COL4A6: variants seen among roughly 807,000 people sequenced by gnomAD.
COL4A6 encodes collagen alpha-6(IV) chain.
In COL4A6, 59 loss-of-function variants were observed where a neutral mutation model predicts 126.7. The ratio of observed to expected loss-of-function variants is 0.47; its 90% CI spans 0.38 to 0.58. The LOEUF (loss-of-function observed/expected upper bound fraction) is 0.58. Ranked by LOEUF, COL4A6 falls within the 20% of genes least tolerant of loss-of-function variation. The pLI is 0.00. For missense variants in COL4A6, 1,285 were observed against 1,337.3 expected (o/e 0.96, Z 0.61); for synonymous variants, 547 against 496.6 (o/e 1.10, Z -1.35).
At chrX:108,310,288 T>C (rs1427164475) in intron 3 of COL4A6, among the ~76,000 whole-genome samples, 3 of 111,960 alleles carry the variant, frequency 2.7e-5, no homozygotes, top group Non-Finnish European at 5.6e-5. Context: ...TCACCTATAT[T>C]TCTGGACTTT....
chrX:108,273,791 G>A (rs781698868), intron 3 of COL4A6, among the ~76,000 whole-genome samples: 3 of 112,133 alleles, frequency 2.7e-5, no homozygotes, highest in East Asian at 5.6e-4. Context: ...GTTTTCTCAC[G>A]TGTCCCACAT....
At chrX:108,413,822 T>TTAC (rs1218912935) in intron 2 of COL4A6, among the ~76,000 whole-genome samples, 1 of 111,937 alleles carries the variant, frequency 8.9e-6, no homozygotes, top group Non-Finnish European at 1.9e-5. Context: ...TAAACATCTA[T>TTAC]TACTACTGGT....
intron 2 of COL4A6, among the ~76,000 whole-genome samples, chrX:108,379,038 C>T (rs2040505459): frequency 8.9e-6 from 1 of 112,132 alleles, no homozygotes; most frequent in Admixed American, 9.4e-5. Flanking sequence ...ACACAGTCAC[C>T]TATTTCCTCC....
At chrX:108,423,383 T>G (rs895984804) in intron 2 of COL4A6, among the ~76,000 whole-genome samples, 2 of 111,728 alleles carry the variant, frequency 1.8e-5, no homozygotes, top group Admixed American at 9.5e-5. Context: ...GTGCCAAGAG[T>G]AATGCTAAGA....
intron 20 of COL4A6, among the ~76,000 whole-genome samples, chrX:108,188,890 A>G (rs971097943): frequency 8.9e-6 from 1 of 112,012 alleles, no homozygotes; most frequent in African/African-American, 3.2e-5. Flanking sequence ...CTCAGCCATC[A>G]GTGAGTCTAA....
In COL4A6 at chrX:108,159,591, G is replaced by A. The variant is rs768930684; in HGVS notation, c.4683C>T (p.Pro1561=). The A allele has an allele frequency of 6.6e-6, 8 of 1,211,157 alleles. 1 individual carries two copies. In the South Asian group the frequency reaches 1.2e-4, roughly 19 times the overall value. ...PMMPVSQTQI[P]QYISRCSVCE... ...ACACAGAGCAGCGGCTGATGTACTG[G>A]GGAATCTGGGTCTGGCTGACGGGCA... The change falls in exon 44 of 45, where the codon CCC becomes CCT. Residue 1561 remains proline (P), a synonymous_variant. Transcript: ENST00000334504.
At chrX:108,251,571 G>C (rs56383783) in intron 3 of COL4A6, among the ~76,000 whole-genome samples, 9,521 of 111,451 alleles carry the variant, frequency 0.085, 896 homozygotes, top group African/African-American at 0.28. Flanking sequence ...TTGCTCATCT[G>C]TTCAACAAAT....
intron 13 of COL4A6, among the ~76,000 whole-genome samples, chrX:108,197,772 AGTGT>A (rs57928875): frequency 0.042 from 3,700 of 87,202 alleles, 197 homozygotes; most frequent in African/African-American, 0.14. Flanking sequence ...TATTGGGAGG[AGTGT>A]GTGTGTGTGT....
chrX:108,175,061 T>A, intron 30 of COL4A6, 29 bp downstream of exon 30: 1 of 1,151,454 alleles, frequency 8.7e-7, no homozygotes, highest in South Asian at 2.1e-5. Flanking sequence ...CTCTTGAGCA[T>A]TTCTCCTATC....
chrX:108,377,685 T>A (rs2040470866), intron 2 of COL4A6, among the ~76,000 whole-genome samples: 1 of 107,978 alleles, frequency 9.3e-6, no homozygotes, highest in African/African-American at 3.4e-5. Context: ...AATCCCAGCA[T>A]TTGGGAGGCC....
intron 3 of COL4A6, among the ~76,000 whole-genome samples, chrX:108,280,031 G>A (rs755737571): frequency 3.6e-5 from 4 of 110,945 alleles, no homozygotes; most frequent in South Asian, 7.9e-4. Flanking sequence ...AATGCCCACA[G>A]GAGAAAGCAG....
At chrX:108,391,773 G>T (rs750930620) in intron 2 of COL4A6, among the ~76,000 whole-genome samples, 6 of 112,212 alleles carry the variant, frequency 5.3e-5, no homozygotes, top group Non-Finnish European at 9.4e-5. Context: ...GAAATCCCCC[G>T]ACCCCTTGTG....
intron 2 of COL4A6, among the ~76,000 whole-genome samples, chrX:108,389,033 G>A (rs2040770302): frequency 8.9e-6 from 1 of 111,825 alleles, no homozygotes; most frequent in African/African-American, 3.3e-5. Flanking sequence ...TTTTGAGTGG[G>A]TTTCTTAATC....
chrX:108,409,612 T>C (rs773087377), intron 2 of COL4A6, among the ~76,000 whole-genome samples: 1 of 111,858 alleles, frequency 8.9e-6, no homozygotes, highest in Admixed American at 9.5e-5. Context: ...TAACATTACC[T>C]GCTGTGCTCC....
In COL4A6 at chrX:108,310,674, G is replaced by A. The variant is rs1038127454; in HGVS notation, c.144+74C>T. 4.1e-5 allele frequency: 39 copies of A among 952,973 alleles called. No individual in the cohort carries two copies. In the Admixed American group the frequency reaches 6.5e-4, roughly 16 times the overall value. 78.5% of individuals were successfully genotyped at this position (952,973 alleles called of 1,213,427 possible). A position where few individuals can be genotyped will look rare whatever the true frequency, so the allele number is the denominator to read the frequency against. On this transcript the variant is annotated intron_variant, in intron 3 of 44. Coordinates refer to ENST00000334504, the MANE Select transcript of COL4A6 (RefSeq NM_033641.4). ...AGGTCATAAGAGTAAATTCTAAGCAGTTTATTTCTAAAGAAAACAGATAAC... is the reference window on the plus strand; with the variant it reads ...AGGTCATAAGAGTAAATTCTAAGCAATTTATTTCTAAAGAAAACAGATAAC...
chrX:108,298,108 C>A (rs1366475398), intron 3 of COL4A6, among the ~76,000 whole-genome samples: 2 of 112,070 alleles, frequency 1.8e-5, no homozygotes, highest in Non-Finnish European at 3.8e-5. Flanking sequence ...TAGATGATTG[C>A]CCTTCTGGCT....
At chrX:108,191,741 C>T (rs1290324983) in intron 18 of COL4A6, among the ~76,000 whole-genome samples, 1 of 111,567 alleles carries the variant, frequency 9.0e-6, no homozygotes, top group African/African-American at 3.3e-5. Context: ...GAAACATGAT[C>T]AGGGGCCCAG....
chrX:108,415,634 C>CT (rs1210785379), intron 2 of COL4A6, among the ~76,000 whole-genome samples: 1 of 111,999 alleles, frequency 8.9e-6, no homozygotes, highest in Admixed American at 9.5e-5. Flanking sequence ...AGGAAATATC[C>CT]TTATCATTCA....
At chrX:108,193,080 T>C (rs1023841208) in intron 17 of COL4A6, among the ~76,000 whole-genome samples, 1 of 111,824 alleles carries the variant, frequency 8.9e-6, no homozygotes, top group South Asian at 3.8e-4. Flanking sequence ...TAGCTGGAGA[T>C]ACTGGGCATC....
Sources: gnomAD v4.1 joint callset for allele counts (sites outside exome capture counted in the v4.1 genomes callset) on GRCh38, gnomAD v4.1.1 for gene constraint, MANE v1.5 for transcripts, NCBI Gene and HGNC (gene_info 2026-07-23, HGNC 2026-07-21) for gene names.